The following SPTBN1 variants were observed in gnomAD, a reference collection of about 807,000 sequenced individuals.
The protein encoded by SPTBN1 is spectrin beta chain, non-erythrocytic 1.
In SPTBN1, 32 loss-of-function variants were observed where a neutral mutation model predicts 266.4. That is an observed-to-expected ratio of 0.12 (90% CI 0.09 to 0.16). SPTBN1 has a LOEUF of 0.16. Among genes scored for constraint, SPTBN1 ranks in the 10% least tolerant of loss-of-function variants. The pLI is 1.00. For synonymous variants in SPTBN1, 1,336 were observed against 1,162.2 expected (o/e 1.15, Z -3.04); for missense variants, 2,296 against 3,067.1 (o/e 0.75, Z 5.94).
At chr2:54,660,700 C>G (rs1249524024) in intron 32 of SPTBN1, 14 of 985,298 alleles carry the variant, frequency 1.4e-5, no homozygotes, top group Non-Finnish European at 1.7e-5. Flanking sequence ...TTACTTTTTA[C>G]AAACTAGTTC....
intron 1 of SPTBN1, among the ~76,000 whole-genome samples, chr2:54,507,466 A>AT (rs1179485586): frequency 2.0e-5 from 3 of 152,046 alleles, no homozygotes; most frequent in African/African-American, 7.3e-5. Context: ...CTGAAGGAAG[A>AT]TTTTGTGGTA....
chr2:54,653,587 C>T lies in SPTBN1; in HGVS notation c.5578-22C>T, dbSNP rs1157159328. On this transcript the variant is annotated intron_variant, in intron 26 of 35. Coordinates refer to ENST00000356805, the MANE Select transcript of SPTBN1 (RefSeq NM_003128.3). This position sits in a 1 kb window ranked among gnomAD's most constrained non-coding sequence, Gnocchi z 5.1. The stretch of plus-strand genomic sequence containing the variant: ...AAGGCCGCCATGGGCTGACCTGGCT[C>T]ATCCCCTACATGGCTTCACAGGTGA... The T allele has an allele frequency of 1.2e-6, 2 of 1,610,850 alleles. No individual in the cohort carries two copies. The highest frequency in any genetic ancestry group is 2.2e-5 in the East Asian group (1 of 44,880).
rs1472745948 is a variant in SPTBN1 at position 54,668,898 on chromosome 2, G to T, written c.*329G>T. 1.7e-5 allele frequency: 5 copies of T among 288,390 alleles called. No homozygotes were observed. Among genetic ancestry groups the T allele is most frequent in the Non-Finnish European group, 3.3e-5 (5 of 149,688 alleles). The allele number at this position is 288,390 out of a possible 1,614,324, so 17.9% of individuals were successfully genotyped here. A position where few individuals can be genotyped will look rare whatever the true frequency, so the allele number is the denominator to read the frequency against. On this transcript the variant is annotated 3_prime_UTR_variant, in exon 36 of 36. Coordinates refer to ENST00000356805, the MANE Select transcript of SPTBN1 (RefSeq NM_003128.3). ...GCCTCTAGTGCTGTTGGTATGCAAG[G>T]CAGCGGTGCTTAATCAATATTTCCT...
chr2:54,608,031 C>T (rs1417261886), intron 3 of SPTBN1, among the ~76,000 whole-genome samples: 1 of 152,160 alleles, frequency 6.6e-6, no homozygotes, highest in Admixed American at 6.5e-5. Flanking sequence ...GGACAAGATA[C>T]TAAGGTAGGG....
intron 1 of SPTBN1, among the ~76,000 whole-genome samples, chr2:54,457,002 G>A (rs901554172): frequency 2.0e-5 from 3 of 151,738 alleles, no homozygotes; most frequent in Non-Finnish European, 4.4e-5. Context: ...GGGAGCGGGG[G>A]CGGCGGTGAC....
intron 23 of SPTBN1, 123 bp from the exon 24 acceptor site, chr2:54,647,008 A>G: frequency 3.5e-6 from 5 of 1,412,544 alleles, no homozygotes; most frequent in Non-Finnish European, 4.8e-6. Flanking sequence ...TCCGTACTGC[A>G]CCTCTGGAGT....
intron 18 of SPTBN1, among the ~76,000 whole-genome samples, chr2:54,642,529 G>GTTTTTTT (rs531997353): frequency 2.0e-4 from 18 of 92,296 alleles, no homozygotes; most frequent in South Asian, 7.9e-4. Flanking sequence ...TAAATAAGTA[G>GTTTTTTT]TTTTTTTTTT....
intron 2 of SPTBN1, among the ~76,000 whole-genome samples, chr2:54,595,979 G>A (rs1415554597): frequency 6.8e-6 from 1 of 147,106 alleles, no homozygotes; most frequent in Non-Finnish European, 1.5e-5. Context: ...AAACCAGTAT[G>A]GAGCTTGTAA....
intron 11 of SPTBN1, 28 bp downstream of exon 11, chr2:54,624,990 C>T: frequency 6.4e-7 from 1 of 1,554,152 alleles, no homozygotes; most frequent in Non-Finnish European, 8.7e-7. Flanking sequence ...ATTAAAAAGA[C>T]TGTTGCTAGG....
Position 54,554,444 on chromosome 2 carries a change from G to A in SPTBN1, c.148+27878G>A, listed in dbSNP as rs1044320697. Among the ~76,000 whole-genome samples the A allele has an allele frequency of 1.3e-5, 2 of 152,172 alleles. No individual in the cohort carries two copies. The highest frequency in any genetic ancestry group is 2.9e-5 in the Non-Finnish European group (2 of 68,030). On this transcript the variant is annotated intron_variant, in intron 2 of 35. Coordinates refer to ENST00000356805, the MANE Select transcript of SPTBN1 (RefSeq NM_003128.3). The surrounding 1 kb of genome is among the most constrained non-coding windows in gnomAD (Gnocchi z 4.5). ...CATTCTGTAAGCTACCAAGTGTGAT[G>A]GTTCTGGTTATTACGGCCATTCAGT...
rs774031282 is a variant in SPTBN1 at position 54,631,111 on chromosome 2, C to G, written c.3064C>G (p.Leu1022Val). Residue 1022 changes from leucine to valine, a missense_variant, in exon 16 of 36, where the codon CTG becomes GTG. Transcript: ENST00000356805. Reference protein sequence around the residue: ...LSDLQKEAEKLESEHPDQAQA... With the variant: ...LSDLQKEAEKVESEHPDQAQA... ...TGACCTGCAGAAGGAGGCGGAGAAGCTGGAGTCCGAGCACCCCGACCAGGC... is the reference window on the plus strand; with the variant it reads ...TGACCTGCAGAAGGAGGCGGAGAAGGTGGAGTCCGAGCACCCCGACCAGGC... 1.9e-6 allele frequency: 3 copies of G among 1,614,176 alleles called. No individual in the cohort carries two copies. Among genetic ancestry groups the G allele is most frequent in the Non-Finnish European group, 2.5e-6 (3 of 1,180,036 alleles).
chr2:54,592,307 A>G (rs983195892), intron 2 of SPTBN1, among the ~76,000 whole-genome samples: 2 of 152,196 alleles, frequency 1.3e-5, no homozygotes, highest in Non-Finnish European at 2.9e-5. Flanking sequence ...GGTGGAGAGG[A>G]TATTCACAGC....
chr2:54,605,349 A>C (rs572966497), intron 3 of SPTBN1, among the ~76,000 whole-genome samples: 1 of 152,314 alleles, frequency 6.6e-6, no homozygotes, highest in African/African-American at 2.4e-5. Context: ...ACGAGCTTTA[A>C]GTCCTGGTTC....
At chr2:54,493,908 A>G (rs1668823691) in intron 1 of SPTBN1, among the ~76,000 whole-genome samples, 1 of 152,234 alleles carries the variant, frequency 6.6e-6, no homozygotes, top group Middle Eastern at 3.2e-3. Flanking sequence ...AGAAGTTAAT[A>G]TAACTTCCCC....
At chr2:54,640,667 T>G (rs1022445100) in intron 18 of SPTBN1, among the ~76,000 whole-genome samples, 1 of 152,196 alleles carries the variant, frequency 6.6e-6, no homozygotes, top group African/African-American at 2.4e-5. Context: ...GTCTCCTACC[T>G]CAGCCTTCCA....
chr2:54,519,008 G>A (rs1670272655), intron 1 of SPTBN1, among the ~76,000 whole-genome samples: 3 of 150,608 alleles, frequency 2.0e-5, no homozygotes, highest in Admixed American at 2.0e-4. Context: ...TTCATTAGCA[G>A]CCTATTTTAA....
chr2:54,637,920 C>T (rs1679259842), intron 18 of SPTBN1, 117 bp downstream of exon 18: 1 of 816,496 alleles, frequency 1.2e-6, no homozygotes, highest in African/African-American at 1.7e-5. Flanking sequence ...TCCATAGCAC[C>T]CATTTGACTC....
intron 5 of SPTBN1, 88 bp downstream of exon 5, chr2:54,616,386 C>T (rs560258891): frequency 9.0e-7 from 1 of 1,107,994 alleles, no homozygotes; most frequent in South Asian, 1.8e-5. Context: ...TGACAGGTAT[C>T]TTTTCCACTG....
intron 2 of SPTBN1, among the ~76,000 whole-genome samples, chr2:54,530,064 A>G (rs1398884440): frequency 1.3e-5 from 2 of 152,072 alleles, no homozygotes; most frequent in Non-Finnish European, 2.9e-5. Flanking sequence ...TAGAGCCATA[A>G]AAATGTACAT....
Sources: gnomAD v4.1 joint callset for allele counts (sites outside exome capture counted in the v4.1 genomes callset) on GRCh38, gnomAD v4.1.1 for gene constraint, Gnocchi (gnomAD v3.1) non-coding constraint, MANE v1.5 for transcripts, NCBI Gene and HGNC (gene_info 2026-07-23, HGNC 2026-07-21) for gene names.